The following TMEM94 variants were observed in gnomAD, a reference collection of about 807,000 sequenced individuals.
TMEM94 encodes ER Mg2+ ATPase.
In TMEM94, 81 loss-of-function variants were observed where a neutral mutation model predicts 158.6. The ratio of observed to expected loss-of-function variants is 0.51; its 90% CI spans 0.43 to 0.61. TMEM94 has a LOEUF of 0.61. TMEM94 is among the 20% of genes least tolerant of loss of function. The probability of loss-of-function intolerance (pLI) is 0.00; values close to 1 mark genes in which losing one functional copy is unlikely to be tolerated. For missense variants in TMEM94, 1,435 were observed against 1,762.0 expected, an observed-to-expected ratio of 0.81 and a Z score of 3.32; for synonymous variants, 751 against 730.7, an observed-to-expected ratio of 1.03 and a Z score of -0.45.
At position 75,496,810 on chromosome 17, in the gene TMEM94, G is replaced by A; in HGVS notation, c.3321+3G>A. The A allele has an allele frequency of 6.2e-7, 1 of 1,613,368 alleles. No homozygotes were observed. Among genetic ancestry groups the A allele is most frequent in the South Asian group, 1.1e-5 (1 of 91,074 alleles). Reference sequence around the variant, plus strand: ...AGCTGACTCTTGTGGTCATCCAGGTGAGGTGGGGCCCGCACAGGCATTGCC... The same window carrying A: ...AGCTGACTCTTGTGGTCATCCAGGTAAGGTGGGGCCCGCACAGGCATTGCC... On this transcript the variant is annotated splice_donor_region_variant and intron_variant, in intron 25 of 31. Transcript: ENST00000314256.
At position 75,498,350 on chromosome 17, in the gene TMEM94, C is replaced by T. The variant is rs746991068; in HGVS notation, c.3638+27C>T. 1 of 1,612,642 alleles carries T rather than the reference C, an allele frequency of 6.2e-7. No individual in the cohort carries two copies. ...TGGGTCCCAGCCCCAGAGATCCACC[C>T]ATCGCCTGCCTCGCCTCGAGGCTTC... is the stretch of plus-strand genomic sequence containing the variant. On this transcript the variant is annotated intron_variant, in intron 28 of 31. Transcript: ENST00000314256. The surrounding 1 kb of genome is among the most constrained non-coding windows in gnomAD (Gnocchi z 6.7).
rs552067139 is a variant in TMEM94, at chr17:75,487,044, T to C, written c.409+618T>C. Among the ~76,000 whole-genome samples the C allele has an allele frequency of 6.6e-6, 1 of 152,278 alleles. No homozygotes were observed. Among genetic ancestry groups the C allele is most frequent in the East Asian group, 1.9e-4 (1 of 5,178 alleles). ...TCATGAGACCTTTCTCCAACAGACC[T>C]GGGCAGTGGACGTTTAGATGCTAAG... On this transcript the variant is annotated intron_variant, in intron 5 of 31. Transcript: ENST00000314256. The surrounding 1 kb of genome is among the most constrained non-coding windows in gnomAD (Gnocchi z 4.6).
Position 75,499,465 on chromosome 17 carries a change from C to G in TMEM94, c.*131C>G, listed in dbSNP as rs1277469800. The G allele has an allele frequency of 1.2e-6, 1 of 838,156 alleles. No individual in the cohort carries two copies. The highest frequency in any genetic ancestry group is 1.9e-6 in the Non-Finnish European group (1 of 525,846). 51.9% of individuals were successfully genotyped at this position (838,156 alleles called of 1,614,324 possible). A position where few individuals can be genotyped will look rare whatever the true frequency, so the allele number is the denominator to read the frequency against. Reference sequence around the variant, plus strand: ...CACCCGTGGCACTGGAAACCCAGCTCCCCGTGTCAGACCCCGCTGTCTTCC... The same window carrying G: ...CACCCGTGGCACTGGAAACCCAGCTGCCCGTGTCAGACCCCGCTGTCTTCC... On this transcript the variant is annotated 3_prime_UTR_variant, in exon 32 of 32. Coordinates refer to ENST00000314256, the MANE Select transcript of TMEM94 (RefSeq NM_014738.6).
chr17:75,470,643 T>G (rs1258237623), intron 1 of TMEM94, among the ~76,000 whole-genome samples: 1 of 151,054 alleles, frequency 6.6e-6, no homozygotes, highest in Admixed American at 6.6e-5. Context: ...AGGTGGAGCT[T>G]GCAGTGAGCC....
At chr17:75,494,595 A>T (rs2052510031) in intron 18 of TMEM94, 32 bp from the exon 19 acceptor site, 2 of 1,607,070 alleles carry the variant, frequency 1.2e-6, no homozygotes, top group Non-Finnish European at 1.7e-6. Context: ...GGGTGTCCTG[A>T]TCGGGCTGTG....
intron 18 of TMEM94, among the ~76,000 whole-genome samples, 187 bp downstream of exon 18, chr17:75,494,103 C>G (rs904631005): frequency 6.6e-6 from 1 of 152,224 alleles, no homozygotes; most frequent in East Asian, 1.9e-4. Context: ...TTAGTTTCCT[C>G]CCTTATCAGT....
chr17:75,487,892 G>A lies in TMEM94; in HGVS notation c.410-40G>A, dbSNP rs757187812. On this transcript the variant is annotated intron_variant, in intron 5 of 31. Coordinates refer to ENST00000314256, the MANE Select transcript of TMEM94 (RefSeq NM_014738.6). The surrounding 1 kb of genome is among the most constrained non-coding windows in gnomAD (Gnocchi z 4.6). ...CTGTATCTGACTGGGGGGCAGGGCCGTGGCTGAGAGGGTTGTTTCCCTCTT... is the reference window on the plus strand; with the variant it reads ...CTGTATCTGACTGGGGGGCAGGGCCATGGCTGAGAGGGTTGTTTCCCTCTT... The A allele has an allele frequency of 3.4e-5, 53 of 1,559,114 alleles. No individual in the cohort carries two copies. Among genetic ancestry groups the A allele is most frequent in the Non-Finnish European group, 4.4e-5 (50 of 1,132,416 alleles).
At chr17:75,460,696 A>G (rs2050035256) in intron 1 of TMEM94, among the ~76,000 whole-genome samples, 1 of 152,036 alleles carries the variant, frequency 6.6e-6, no homozygotes, top group Non-Finnish European at 1.5e-5. Context: ...TATTTTTTAC[A>G]GAGACGGTTC....
At chr17:75,468,528 G>A (rs2050385554) in intron 1 of TMEM94, among the ~76,000 whole-genome samples, 1 of 152,212 alleles carries the variant, frequency 6.6e-6, no homozygotes, top group South Asian at 2.1e-4. Flanking sequence ...GCCTTGGGGA[G>A]GAGTGGATTT....
At position 75,459,171 on chromosome 17, in the gene TMEM94, G is replaced by T. The variant is rs1375505120; in HGVS notation, c.-107+2420G>T. On this transcript the variant is annotated intron_variant, in intron 1 of 31. Coordinates refer to ENST00000314256, the MANE Select transcript of TMEM94 (RefSeq NM_014738.6). ...TCCTCAAACATTGCAAGTCTTAGCTGCTATGTTAGCTCTAACTTCCTTGCT... is the reference window on the plus strand; with the variant it reads ...TCCTCAAACATTGCAAGTCTTAGCTTCTATGTTAGCTCTAACTTCCTTGCT... Among the ~76,000 whole-genome samples, 3 of 152,004 alleles carry T rather than the reference G, an allele frequency of 2.0e-5. No individual in the cohort carries two copies. The East Asian group carries it at 5.8e-4, about 29-fold the overall frequency.
intron 2 of TMEM94, among the ~76,000 whole-genome samples, chr17:75,482,759 GCATT>G (rs889101768): frequency 4.6e-5 from 7 of 152,122 alleles, no homozygotes; most frequent in Non-Finnish European, 8.8e-5. Flanking sequence ...TGGGATCATT[GCATT>G]CATTCATTCA....
At position 75,485,457 on chromosome 17, in the gene TMEM94, C is replaced by T. The variant is rs1216666878; in HGVS notation, c.54C>T (p.Ser18=). Reference sequence around the variant, plus strand: ...AGCCTCCCTCAGCCCTGGGCCTGTCCACGCGGAAGGCCCTCAGCGTCCTGA... The same window carrying T: ...AGCCTCCCTCAGCCCTGGGCCTGTCTACGCGGAAGGCCCTCAGCGTCCTGA... ...LGEPPSALGL[S]TRKALSVLKE... Residue 18 remains serine (S), a synonymous_variant, in exon 3 of 32, where the codon TCC becomes TCT. Transcript: ENST00000314256. This position sits in a 1 kb window ranked among gnomAD's most constrained non-coding sequence, Gnocchi z 5.5. 1.2e-6 allele frequency: 2 copies of T among 1,614,118 alleles called. No homozygotes were observed. The highest frequency in any genetic ancestry group is 4.5e-5 in the East Asian group (2 of 44,872).
Position 75,485,368 on chromosome 17 carries a change from C to T in TMEM94, c.25-60C>T, listed in dbSNP as rs563858570. ...GCCAGGGAAGGGGAGGGTTGGGGCC[C>T]GCGTGCCTTGCATAGCCTTGGCCTG... On this transcript the variant is annotated intron_variant, in intron 2 of 31. Transcript: ENST00000314256. This position sits in a 1 kb window ranked among gnomAD's most constrained non-coding sequence, Gnocchi z 5.5. 35 of 1,577,390 alleles carry T rather than the reference C, an allele frequency of 2.2e-5. No homozygotes were observed. Among genetic ancestry groups the T allele is most frequent in the South Asian group, 1.2e-4 (11 of 89,254 alleles).
intron 23 of TMEM94, 68 bp downstream of exon 23, chr17:75,496,142 G>A (rs2052655579): frequency 1.3e-6 from 2 of 1,512,448 alleles, no homozygotes; most frequent in Non-Finnish European, 1.8e-6. Context: ...AGATGGGCCT[G>A]CGTGGGGCTG....
At position 75,497,751 on chromosome 17, in the gene TMEM94, C is replaced by T. The variant is rs1428129206; in HGVS notation, c.3408-30C>T. 4.5e-6 allele frequency: 7 copies of T among 1,565,142 alleles called. No individual in the cohort carries two copies. The East Asian group carries it at 6.7e-5, about 15-fold the overall frequency. ...ATTGAGGGACAGAGGGTCATTGTCA[C>T]CATCCCTCTACCTGATCTCTGCTTT... is the stretch of plus-strand genomic sequence containing the variant. On this transcript the variant is annotated intron_variant, in intron 26 of 31. Transcript: ENST00000314256.
chr17:75,489,372 C>T lies in TMEM94; in HGVS notation c.867+4C>T, dbSNP rs201023597. ...CTATGCTGTGCCCGTGGTCCTGGTG[C>T]GTGTGGCGGGGCTGTGCGGGGCTGC... On this transcript the variant is annotated splice_donor_region_variant and intron_variant, in intron 8 of 31. Transcript: ENST00000314256. The surrounding 1 kb of genome is among the most constrained non-coding windows in gnomAD (Gnocchi z 5.0). The T allele has an allele frequency of 2.2e-5, 36 of 1,613,432 alleles. No homozygotes were observed. Among genetic ancestry groups the T allele is most frequent in the Middle Eastern group, 1.6e-4 (1 of 6,076 alleles).
chr17:75,487,982 G>A lies in TMEM94; in HGVS notation c.460G>A (p.Asp154Asn). The A allele has an allele frequency of 3.1e-6, 5 of 1,614,152 alleles. No individual in the cohort carries two copies. Among genetic ancestry groups the A allele is most frequent in the Non-Finnish European group, 4.2e-6 (5 of 1,180,024 alleles). ...CCAGTGGCCCAGTGCCATGTATCCA[G>A]ACCTCCACATGCCTTTTGCGCCATC... ...EIQWPSAMYP[D>N]LHMPFAPSWS... Residue 154 changes from aspartate to asparagine, a missense_variant, in exon 6 of 32, where the codon GAC becomes AAC. Around this residue, in one of 3 missense-constraint regions of TMEM94, gnomAD observed 1,051 missense variants for 1,254.4 expected, o/e 0.84. Transcript: ENST00000314256. This position sits in a 1 kb window ranked among gnomAD's most constrained non-coding sequence, Gnocchi z 4.6.
intron 31 of TMEM94, 61 bp downstream of exon 31, chr17:75,499,143 C>A: frequency 6.3e-7 from 1 of 1,581,568 alleles, no homozygotes; most frequent in South Asian, 1.2e-5. Context: ...CCTGTTACTC[C>A]CTTGGCGACA....
chr17:75,471,098 G>A (rs1291043966), intron 1 of TMEM94, among the ~76,000 whole-genome samples: 3 of 151,484 alleles, frequency 2.0e-5, no homozygotes, highest in South Asian at 2.1e-4. Context: ...TTAGCCGGGC[G>A]TGGTGGCAAG....
Sources: gnomAD v4.1 joint callset for allele counts (sites outside exome capture counted in the v4.1 genomes callset) on GRCh38, gnomAD v4.1.1 for gene constraint, gnomAD v4.1.1 regional missense constraint, Gnocchi (gnomAD v3.1) non-coding constraint, MANE v1.5 for transcripts, NCBI Gene and HGNC (gene_info 2026-07-23, HGNC 2026-07-21) for gene names.